Variants in PPP4R3A observed in about 807,000 individuals in gnomAD.
The protein encoded by PPP4R3A is serine/threonine-protein phosphatase 4 regulatory subunit 3A.
Under a neutral mutation model 91.7 loss-of-function variants are expected in PPP4R3A, and 15 were observed. The observed-to-expected ratio is 0.16, with a 90% CI of 0.11 to 0.25. The LOEUF (loss-of-function observed/expected upper bound fraction) is 0.25. PPP4R3A is among the 10% of genes least tolerant of loss of function. The pLI is 1.00. For synonymous variants in PPP4R3A, 377 were observed against 348.7 expected, an observed-to-expected ratio of 1.08 and a Z score of -0.91; for missense variants, 623 against 998.4, an observed-to-expected ratio of 0.62 and a Z score of 5.07.
chr14:91,510,504 C>T (rs866474831), upstream of PPP4R3A: 3 of 152,294 alleles, frequency 2.0e-5, no homozygotes, highest in Non-Finnish European at 4.4e-5. Context: ...CAGCCCGAGG[C>T]TCCCTCCCGC....
In PPP4R3A at chr14:91,485,735, G is replaced by A; in HGVS notation, c.199-5C>T. 1 of 1,594,634 alleles carries A rather than the reference G, an allele frequency of 6.3e-7. No individual in the cohort carries two copies. The highest frequency in any genetic ancestry group is 8.5e-7 in the Non-Finnish European group (1 of 1,173,224). The stretch of plus-strand genomic sequence containing the variant: ...AGACCACACAATCAGAGTGTCCTTT[G>A]GAGACATAAAAGGAGTCTGAATGAT... On this transcript the variant is annotated splice_polypyrimidine_tract_variant and splice_region_variant and intron_variant, in intron 2 of 14. Transcript: ENST00000554943.
At chr14:91,506,090 C>T (rs933628194) in intron 1 of PPP4R3A, among the ~76,000 whole-genome samples, 11 of 152,094 alleles carry the variant, frequency 7.2e-5, no homozygotes, top group African/African-American at 2.4e-4. Flanking sequence ...GGACTACAGG[C>T]GCCCGCCACC....
At chr14:91,469,116 T>TAAAAAAAAAAAAAAA (rs34445337) in intron 10 of PPP4R3A, among the ~76,000 whole-genome samples, 1 of 133,158 alleles carries the variant, frequency 7.5e-6, no homozygotes. Flanking sequence ...ATTTTTTCTG[T>TAAAAAAAAAAAAAAA]AAAAAAAAAA....
chr14:91,495,983 AC>A (rs1890544234), intron 1 of PPP4R3A, among the ~76,000 whole-genome samples: 1 of 152,210 alleles, frequency 6.6e-6, no homozygotes, highest in African/African-American at 2.4e-5. Flanking sequence ...AAATATTCAT[AC>A]AATGGATACC....
At chr14:91,484,958 G>A (rs932547894) in intron 3 of PPP4R3A, among the ~76,000 whole-genome samples, 1 of 151,852 alleles carries the variant, frequency 6.6e-6, no homozygotes, top group Non-Finnish European at 1.5e-5. Flanking sequence ...AAGAACATTC[G>A]AGCCTAGAGG....
chr14:91,477,013 A>G, intron 4 of PPP4R3A, 27 bp from the exon 5 acceptor site: 1 of 1,523,952 alleles, frequency 6.6e-7, no homozygotes, highest in Non-Finnish European at 9.0e-7. Context: ...AAATGCAATT[A>G]TGTTAATGCT....
At position 91,457,620 on chromosome 14, in the gene PPP4R3A, C is replaced by T. The variant is rs915961818; in HGVS notation, c.*1139G>A. On this transcript the variant is annotated 3_prime_UTR_variant, in exon 15 of 15. Coordinates refer to ENST00000554943, the MANE Select transcript of PPP4R3A (RefSeq NM_001366432.2). ...CATACAACTAATACAATTTCTCTTA[C>T]TCTTCACTTTTCTTTTTATTATTCA... is the stretch of plus-strand genomic sequence containing the variant. 1 of 152,572 alleles carries T rather than the reference C, an allele frequency of 6.6e-6. No homozygotes were observed. The highest frequency in any genetic ancestry group is 2.4e-5 in the African/African-American group (1 of 41,430). The allele number at this position is 152,572 out of a possible 1,614,324, so 9.5% of individuals were successfully genotyped here.
Position 91,473,077 on chromosome 14 carries a change from G to A in PPP4R3A, c.1457C>T (p.Thr486Ile), listed in dbSNP as rs746399518. Residue 486 changes from threonine to isoleucine, a missense_variant, in exon 9 of 15, where the codon ACT (threonine) becomes ATT (isoleucine). Physicochemically the swap from Thr to Ile is moderately conservative, Grantham distance 89. Coordinates refer to ENST00000554943, the MANE Select transcript of PPP4R3A (RefSeq NM_001366432.2). Reference sequence around the variant, plus strand: ...TGTTGTATTTGCTAGTAAAGGAGCAGTGAGAACATGCATACAGTGCTTGTA... The same window carrying A: ...TGTTGTATTTGCTAGTAAAGGAGCAATGAGAACATGCATACAGTGCTTGTA... ...FFYKHCMHVLTAPLLANTTED... is the reference protein window; with the variant it reads ...FFYKHCMHVLIAPLLANTTED... 6.2e-7 allele frequency: 1 copy of A among 1,614,150 alleles called. No individual in the cohort carries two copies. The highest frequency in any genetic ancestry group is 8.5e-7 in the Non-Finnish European group (1 of 1,180,038).
Position 91,490,874 on chromosome 14 carries a change from A to AT in PPP4R3A, c.143-73dup, listed in dbSNP as rs544296548. On this transcript the variant is annotated intron_variant, in intron 1 of 14. Transcript: ENST00000554943. ...AAATTATATTCCCTTACATACACAC[A>AT]TATTTCCTTAAAAAAAATAATAATA... 3.3e-4 allele frequency: 233 copies of AT among 696,664 alleles called. 1 individual carries two copies. The South Asian group carries it at 6.8e-3, about 20-fold the overall frequency. 43.2% of individuals were successfully genotyped at this position (696,664 alleles called of 1,614,324 possible). A position where few individuals can be genotyped will look rare whatever the true frequency, so the allele number is the denominator to read the frequency against.
At chr14:91,507,132 A>G (rs1460320254) in intron 1 of PPP4R3A, among the ~76,000 whole-genome samples, 1 of 151,714 alleles carries the variant, frequency 6.6e-6, no homozygotes, top group Non-Finnish European at 1.5e-5. Context: ...CAGACTGGCC[A>G]AAATGTTGAA....
chr14:91,490,609 G>T, intron 2 of PPP4R3A, 138 bp downstream of exon 2: 1 of 642,164 alleles, frequency 1.6e-6, no homozygotes, highest in Non-Finnish European at 2.6e-6. Context: ...ATAGGAATTG[G>T]CAGAAATCCT....
At chr14:91,507,552 GTTATA>G (rs1891471703) in intron 1 of PPP4R3A, among the ~76,000 whole-genome samples, 1 of 61,428 alleles carries the variant, frequency 1.6e-5, no homozygotes, top group African/African-American at 6.1e-5. Context: ...ATTATATATA[GTTATA>G]TATACTATAT....
intron 7 of PPP4R3A, 135 bp from the exon 8 acceptor site, chr14:91,473,505 G>T: frequency 1.1e-6 from 1 of 900,226 alleles, no homozygotes; most frequent in Non-Finnish European, 1.6e-6. Flanking sequence ...GTTTAACTCA[G>T]TTATCTGACA....
At chr14:91,492,918 C>T (rs374270038) in intron 1 of PPP4R3A, among the ~76,000 whole-genome samples, 4 of 152,240 alleles carry the variant, frequency 2.6e-5, no homozygotes, top group South Asian at 2.1e-4. Flanking sequence ...GCTAGTGATA[C>T]ATTCATAACA....
At chr14:91,468,087 A>C (rs1423283884) in intron 10 of PPP4R3A, among the ~76,000 whole-genome samples, 2 of 152,312 alleles carry the variant, frequency 1.3e-5, no homozygotes, top group African/African-American at 4.8e-5. Flanking sequence ...GAAGATACTT[A>C]TATATCCTCA....
At chr14:91,473,666 T>G (rs536685799) in intron 7 of PPP4R3A, among the ~76,000 whole-genome samples, 2 of 152,266 alleles carry the variant, frequency 1.3e-5, no homozygotes, top group Non-Finnish European at 2.9e-5. Flanking sequence ...TTTCTAATAA[T>G]GTAATCTACC....
At position 91,457,656 on chromosome 14, in the gene PPP4R3A, G is replaced by GT. The variant is rs1295565145; in HGVS notation, c.*1102dup. On this transcript the variant is annotated 3_prime_UTR_variant, in exon 15 of 15. Coordinates refer to ENST00000554943, the MANE Select transcript of PPP4R3A (RefSeq NM_001366432.2). ...TCTTTTTATTATTCAAAAGTCAAATGTTTTTAAATCATCCATCCTCAATTT... is the reference window on the plus strand; with the variant it reads ...TCTTTTTATTATTCAAAAGTCAAATGTTTTTTAAATCATCCATCCTCAATTT... 1 of 152,518 alleles carries GT rather than the reference G, an allele frequency of 6.6e-6. No individual in the cohort carries two copies. Among genetic ancestry groups the GT allele is most frequent in the Non-Finnish European group, 1.5e-5 (1 of 67,986 alleles). 9.4% of individuals were successfully genotyped at this position (152,518 alleles called of 1,614,324 possible).
intron 1 of PPP4R3A, among the ~76,000 whole-genome samples, chr14:91,502,697 G>A (rs533936324): frequency 4.6e-5 from 7 of 152,134 alleles, no homozygotes; most frequent in Non-Finnish European, 1.0e-4. Flanking sequence ...TTTACCATTC[G>A]CTAGCAGTGC....
intron 1 of PPP4R3A, among the ~76,000 whole-genome samples, chr14:91,503,238 C>T (rs1384163189): frequency 6.6e-6 from 1 of 152,104 alleles, no homozygotes; most frequent in African/African-American, 2.4e-5. Context: ...TCCTCCCCCA[C>T]CTTGGCTTCC....
Sources: allele counts gnomAD v4.1 joint callset (sites outside exome capture counted in the v4.1 genomes callset), GRCh38; gene constraint gnomAD v4.1.1; transcripts MANE v1.5; gene names NCBI Gene and HGNC (gene_info 2026-07-23, HGNC 2026-07-21).